Variants in SORCS1 observed in about 807,000 individuals in gnomAD.
SORCS1 encodes VPS10 domain-containing receptor SorCS1.
Under a neutral mutation model 146.1 loss-of-function variants are expected in SORCS1, and 60 were observed. The observed-to-expected ratio is 0.41, with a 90% CI of 0.33 to 0.51. The LOEUF is 0.51. Among genes scored for constraint, SORCS1 ranks in the 20% least tolerant of loss-of-function variants. The probability of loss-of-function intolerance (pLI) is 0.21; values close to 1 mark genes in which losing one functional copy is unlikely to be tolerated. For synonymous variants in SORCS1, 637 were observed against 584.0 expected, an observed-to-expected ratio of 1.09 and a Z score of -1.31; for missense variants, 1,352 against 1,487.6, an observed-to-expected ratio of 0.91 and a Z score of 1.50.
intron 1 of SORCS1, among the ~76,000 whole-genome samples, chr10:107,074,044 G>A (rs542464206): frequency 3.3e-5 from 5 of 150,456 alleles, no homozygotes; most frequent in South Asian, 2.1e-4. Flanking sequence ...TTGACACATC[G>A]TCATCACCCA....
chr10:106,786,465 T>G (rs565771982), intron 3 of SORCS1, among the ~76,000 whole-genome samples: 16 of 152,156 alleles, frequency 1.1e-4, no homozygotes. Context: ...ATTTCTTATA[T>G]AGCAGTGGTT....
At chr10:106,870,074 A>T (rs1056184400) in intron 2 of SORCS1, among the ~76,000 whole-genome samples, 1 of 152,184 alleles carries the variant, frequency 6.6e-6, no homozygotes, top group Non-Finnish European at 1.5e-5. Flanking sequence ...CCAAATCAGG[A>T]ACACAATCCA....
chr10:107,132,039 A>C (rs1392830748), intron 1 of SORCS1, among the ~76,000 whole-genome samples: 1 of 152,210 alleles, frequency 6.6e-6, no homozygotes, highest in East Asian at 1.9e-4. Context: ...CTAGAAAGTT[A>C]AACTTCTCAG....
chr10:106,923,063 G>A (rs1389545180), intron 2 of SORCS1, among the ~76,000 whole-genome samples: 1 of 152,006 alleles, frequency 6.6e-6, no homozygotes, highest in African/African-American at 2.4e-5. Flanking sequence ...GCTAATTTTT[G>A]TACTTTTAGT....
intron 3 of SORCS1, among the ~76,000 whole-genome samples, chr10:106,804,869 G>A (rs908370285): frequency 1.5e-4 from 23 of 152,116 alleles, no homozygotes; most frequent in Non-Finnish European, 3.1e-4. Context: ...CATTACATAG[G>A]ATATAAGCGC....
At chr10:107,086,599 G>A (rs1014526271) in intron 1 of SORCS1, among the ~76,000 whole-genome samples, 1 of 152,048 alleles carries the variant, frequency 6.6e-6, no homozygotes, top group Non-Finnish European at 1.5e-5. Flanking sequence ...TTATCTCTTG[G>A]GTTATATGGT....
At position 106,894,076 on chromosome 10, in the gene SORCS1, T is replaced by A. The variant is rs942396838; in HGVS notation, c.626+62437A>T. Among the ~76,000 whole-genome samples, 3 of 152,312 alleles carry A rather than the reference T, an allele frequency of 2.0e-5. No individual in the cohort carries two copies. In the East Asian group the frequency reaches 5.8e-4, roughly 29 times the overall value. On this transcript the variant is annotated intron_variant, in intron 2 of 25. Transcript: ENST00000263054. ...ATTTTTCAGCAAATTCAATTCCTTT[T>A]CTCTCCCAGAGGGGTGGGTGGAAGC... is the stretch of plus-strand genomic sequence containing the variant.
chr10:106,965,059 C>A (rs1287885632), intron 1 of SORCS1, among the ~76,000 whole-genome samples: 1 of 151,788 alleles, frequency 6.6e-6, no homozygotes, highest in African/African-American at 2.4e-5. Flanking sequence ...AGTTCCAGGA[C>A]TAATTTAGCC....
intron 1 of SORCS1, among the ~76,000 whole-genome samples, chr10:107,059,184 T>C (rs368118532): frequency 6.6e-6 from 1 of 152,282 alleles, no homozygotes; most frequent in Middle Eastern, 3.4e-3. Flanking sequence ...CACTAGAACC[T>C]AGGGTTACAA....
chr10:106,789,974 A>C (rs962966832), intron 3 of SORCS1, among the ~76,000 whole-genome samples: 1 of 152,240 alleles, frequency 6.6e-6, no homozygotes, highest in African/African-American at 2.4e-5. Flanking sequence ...AGGAACTACC[A>C]AACACAAAAC....
chr10:106,667,056 T>C (rs1851215994), intron 17 of SORCS1: 1 of 152,300 alleles, frequency 6.6e-6, no homozygotes, highest in Admixed American at 6.5e-5. Flanking sequence ...AGTTTATAGA[T>C]ACCTACTACA....
intron 2 of SORCS1, among the ~76,000 whole-genome samples, chr10:106,932,188 T>A (rs757030484): frequency 6.6e-6 from 1 of 152,320 alleles, no homozygotes; most frequent in African/African-American, 2.4e-5. Flanking sequence ...AAGCATACTA[T>A]AGTATTAATA....
At chr10:107,170,093 C>T in the SORCS1 span, among the ~76,000 whole-genome samples, 1 of 151,588 alleles carries the variant, frequency 6.6e-6, no homozygotes, top group Non-Finnish European at 1.5e-5. Context: ...GAAAATATAC[C>T]TTTACCAAAA....
chr10:107,037,695 G>A (rs1392543964), intron 1 of SORCS1, among the ~76,000 whole-genome samples: 2 of 152,172 alleles, frequency 1.3e-5, no homozygotes, highest in Non-Finnish European at 2.9e-5. Context: ...GTAAACACCA[G>A]AAAAGGATCA....
intron 2 of SORCS1, among the ~76,000 whole-genome samples, chr10:106,927,810 GGT>G (rs766495833): frequency 3.3e-5 from 5 of 152,082 alleles, no homozygotes; most frequent in Admixed American, 6.5e-5. Context: ...GGTACTGATT[GGT>G]GTGTTTACAA....
intron 23 of SORCS1, among the ~76,000 whole-genome samples, chr10:106,601,871 A>G (rs1375333852): frequency 6.6e-6 from 1 of 152,190 alleles, no homozygotes; most frequent in East Asian, 1.9e-4. Flanking sequence ...CTGCTCCCAC[A>G]GTCCTGAGGC....
chr10:106,645,230 G>A (rs1849342032), intron 18 of SORCS1, among the ~76,000 whole-genome samples: 1 of 146,506 alleles, frequency 6.8e-6, no homozygotes. Flanking sequence ...GTGTAGTAGT[G>A]CAATCTCAGC....
rs1223589037 is a variant in SORCS1, at chr10:107,164,520, T to C, written c.7A>G (p.Lys3Glu). MG[K>E]VGAGGGSQAR... ...TGGGAGCCGCCGCCGGCGCCAACTTTTCCCATCGCGGGAGCGAAGAGCAGC... is the reference window on the plus strand; with the variant it reads ...TGGGAGCCGCCGCCGGCGCCAACTTCTCCCATCGCGGGAGCGAAGAGCAGC... The change falls in exon 1 of 26, where the codon AAA (lysine) becomes GAA (glutamate). Residue 3 changes from lysine to glutamate, a missense_variant. Around this residue, in one of 3 missense-constraint regions of SORCS1, gnomAD observed 490 missense variants for 489.1 expected, o/e 1.00. Transcript: ENST00000263054. The surrounding 1 kb of genome is among the most constrained non-coding windows in gnomAD (Gnocchi z 6.8). 3 of 1,342,388 alleles carry C rather than the reference T, an allele frequency of 2.2e-6. No homozygotes were observed. Among genetic ancestry groups the C allele is most frequent in the Middle Eastern group, 2.8e-4 (1 of 3,604 alleles). 83.2% of individuals were successfully genotyped at this position (1,342,388 alleles called of 1,614,324 possible). A position where few individuals can be genotyped will look rare whatever the true frequency, so the allele number is the denominator to read the frequency against.
chr10:106,825,316 G>C (rs1347825366), intron 3 of SORCS1, among the ~76,000 whole-genome samples: 1 of 138,700 alleles, frequency 7.2e-6, no homozygotes, highest in Non-Finnish European at 1.5e-5. Flanking sequence ...CTGTCACCCA[G>C]GCTGGAGTGC....
Sources: gnomAD v4.1 joint callset for allele counts (sites outside exome capture counted in the v4.1 genomes callset) on GRCh38, gnomAD v4.1.1 for gene constraint, gnomAD v4.1.1 regional missense constraint, Gnocchi (gnomAD v3.1) non-coding constraint, MANE v1.5 for transcripts, NCBI Gene and HGNC (gene_info 2026-07-23, HGNC 2026-07-21) for gene names.